The following NOS1 variants were observed in gnomAD, a reference collection of about 807,000 sequenced individuals.
NOS1 encodes the protein nitric oxide synthase 1.
NOS1 carries 51 observed loss-of-function variants against 164.5 expected under a neutral mutation model. The ratio of observed to expected loss-of-function variants is 0.31; its 90% CI spans 0.25 to 0.39. The LOEUF (loss-of-function observed/expected upper bound fraction) is 0.39, where lower values mean the gene tolerates loss of function less well. Ranked by LOEUF, NOS1 falls within the 10% of genes least tolerant of loss-of-function variation. The pLI is 1.00. For missense variants in NOS1, 1,362 were observed against 1,885.6 expected, an observed-to-expected ratio of 0.72 and a Z score of 5.14; for synonymous variants, 719 against 745.8, an observed-to-expected ratio of 0.96 and a Z score of 0.59.
chr12:117,274,769 CAAAAAAAAAAAA>C (rs71099039), intron 9 of NOS1, among the ~76,000 whole-genome samples: 1 of 77,018 alleles, frequency 1.3e-5, no homozygotes, highest in Non-Finnish European at 2.2e-5. Context: ...CTCCGTCTCA[CAAAAAAAAAAAA>C]AAAAAAAAAA....
At chr12:117,318,523 G>T (rs1039458375) in intron 2 of NOS1, among the ~76,000 whole-genome samples, 1 of 152,164 alleles carries the variant, frequency 6.6e-6, no homozygotes. Context: ...CAAGCCAAAA[G>T]TTGCTCTTGC....
intron 28 of NOS1, among the ~76,000 whole-genome samples, chr12:117,216,228 G>A (rs1036215106): frequency 6.7e-6 from 1 of 149,626 alleles, no homozygotes; most frequent in Non-Finnish European, 1.5e-5. Flanking sequence ...TGTCACCCAG[G>A]CTGGAGTGCA....
chr12:117,355,474 C>G (rs760260536), intron 1 of NOS1, among the ~76,000 whole-genome samples: 1 of 151,832 alleles, frequency 6.6e-6, no homozygotes, highest in African/African-American at 2.4e-5. Context: ...TCGAAGGGCC[C>G]GGACAAGCAA....
intron 3 of NOS1, among the ~76,000 whole-genome samples, chr12:117,311,156 T>C (rs9658303): frequency 0.24 from 36,938 of 152,224 alleles, 5,210 homozygotes; most frequent in Non-Finnish European, 0.31. Context: ...TGAGGCACTA[T>C]GACCAGCTAC....
At chr12:117,218,692 A>G (rs910291646) in intron 27 of NOS1, among the ~76,000 whole-genome samples, 1 of 152,106 alleles carries the variant, frequency 6.6e-6, no homozygotes, top group African/African-American at 2.4e-5. Flanking sequence ...TTTGCTCAAC[A>G]TTGCCCAGAA....
chr12:117,208,466 C>T lies in NOS1; in HGVS notation c.*6843G>A. On this transcript the variant is annotated 3_prime_UTR_variant, in exon 29 of 29. Transcript: ENST00000317775. ...TGCCCACCTCCCCAGCTTCCCAAGC[C>T]CGGAACGGACACTGCGACGTGGGGT... The T allele has an allele frequency of 1.6e-6, 2 of 1,273,164 alleles. No individual in the cohort carries two copies. The highest frequency in any genetic ancestry group is 2.0e-6 in the Non-Finnish European group (2 of 979,030). The allele number at this position is 1,273,164 out of a possible 1,614,324, so 78.9% of individuals were successfully genotyped here. A position where few individuals can be genotyped will look rare whatever the true frequency, so the allele number is the denominator to read the frequency against.
chr12:117,226,622 A>G (rs1868698196), intron 24 of NOS1, 61 bp downstream of exon 24: 1 of 1,503,632 alleles, frequency 6.7e-7, no homozygotes, highest in Admixed American at 1.7e-5. Flanking sequence ...ACCTACCCCA[A>G]CTTGTGACGT....
chr12:117,208,590 G>A lies in NOS1; in HGVS notation c.*6719C>T, dbSNP rs1956478796. On this transcript the variant is annotated 3_prime_UTR_variant, in exon 29 of 29. Transcript: ENST00000317775. ...AGAACACAACAATGAAAACAGTGGC[G>A]GCAGAGCACAGGACATGGGAGGGGA... The A allele has an allele frequency of 1.4e-5, 17 of 1,193,988 alleles. No individual in the cohort carries two copies. The highest frequency in any genetic ancestry group is 4.6e-5 in the South Asian group (3 of 65,632). 74.0% of individuals were successfully genotyped at this position (1,193,988 alleles called of 1,614,324 possible).
chr12:117,297,186 G>A (rs1873472570), intron 3 of NOS1, among the ~76,000 whole-genome samples: 1 of 152,200 alleles, frequency 6.6e-6, no homozygotes, highest in South Asian at 2.1e-4. Context: ...GATTGCAGGA[G>A]GGAGAGGGTC....
chr12:117,290,341 G>T lies in NOS1; in HGVS notation c.938C>A (p.Thr313Asn), dbSNP rs1872963294. 1 of 1,614,134 alleles carries T rather than the reference G, an allele frequency of 6.2e-7. No homozygotes were observed. Among genetic ancestry groups the T allele is most frequent in the Non-Finnish European group, 8.5e-7 (1 of 1,180,012 alleles). ...PRFLKVKNWE[T>N]EVVLTDTLHL... The stretch of plus-strand genomic sequence containing the variant: ...GAGGGTGTCAGTGAGAACCACCTCA[G>T]TCTCCCAGTTCTTGACCTTGAGGAA... The change falls in exon 4 of 29, where the codon ACT (threonine) becomes AAT (asparagine). Residue 313 changes from threonine (T) to asparagine (N), a missense_variant. Transcript: ENST00000317775.
At chr12:117,216,084 C>T (rs772365625) in intron 28 of NOS1, among the ~76,000 whole-genome samples, 1 of 150,950 alleles carries the variant, frequency 6.6e-6, no homozygotes, top group Non-Finnish European at 1.5e-5. Flanking sequence ...TGCCATGTTG[C>T]CCAGGCTGGT....
intron 18 of NOS1, chr12:117,245,659 T>C (rs1223901573): frequency 1.3e-5 from 2 of 152,448 alleles, no homozygotes; most frequent in African/African-American, 4.8e-5. Flanking sequence ...GTGCCACACC[T>C]GTAATCCCAG....
intron 3 of NOS1, among the ~76,000 whole-genome samples, chr12:117,291,492 A>G (rs1406450239): frequency 7.0e-6 from 1 of 142,892 alleles, no homozygotes; most frequent in Non-Finnish European, 1.5e-5. Context: ...GTGTTGGCCC[A>G]TTCATTGTAG....
chr12:117,262,307 A>C (rs9658410), intron 13 of NOS1, among the ~76,000 whole-genome samples: 1 of 151,960 alleles, frequency 6.6e-6, no homozygotes, highest in Non-Finnish European at 1.5e-5. Context: ...ACTGAAGCCA[A>C]CAATTGCCCT....
chr12:117,217,829 G>T (rs762178952), intron 28 of NOS1, among the ~76,000 whole-genome samples: 2 of 152,220 alleles, frequency 1.3e-5, no homozygotes, highest in African/African-American at 4.8e-5. Context: ...TTCCCCTGGA[G>T]AATTAGTTAA....
intron 1 of NOS1, among the ~76,000 whole-genome samples, chr12:117,357,321 C>T (rs1263062036): frequency 6.6e-6 from 1 of 152,162 alleles, no homozygotes; most frequent in Non-Finnish European, 1.5e-5. Context: ...TAGATGGGAA[C>T]TCAGGGCTGA....
chr12:117,210,649 G>A lies in NOS1; in HGVS notation c.*4660C>T, dbSNP rs1198573273. 2 of 985,344 alleles carry A rather than the reference G, an allele frequency of 2.0e-6. No individual in the cohort carries two copies. Among genetic ancestry groups the A allele is most frequent in the Non-Finnish European group, 1.2e-6 (1 of 829,958 alleles). 61.0% of individuals were successfully genotyped at this position (985,344 alleles called of 1,614,324 possible). A position where few individuals can be genotyped will look rare whatever the true frequency, so the allele number is the denominator to read the frequency against. On this transcript the variant is annotated 3_prime_UTR_variant, in exon 29 of 29. Coordinates refer to ENST00000317775, the MANE Select transcript of NOS1 (RefSeq NM_000620.5). ...ATCCTATTAGGACCATTTGCCCTATGAGCTAGGTCAGGACACCTCTCACTT... is the reference window on the plus strand; with the variant it reads ...ATCCTATTAGGACCATTTGCCCTATAAGCTAGGTCAGGACACCTCTCACTT...
At chr12:117,268,254 G>A (rs1872561901) in intron 10 of NOS1, 110 bp from the exon 11 acceptor site, 3 of 748,106 alleles carry the variant, frequency 4.0e-6, no homozygotes, top group Non-Finnish European at 6.8e-6. Flanking sequence ...TTTTTTAAAT[G>A]GACTCTCGCT....
In NOS1 at chr12:117,214,064, A is replaced by C; in HGVS notation, c.*1245T>G. Reference sequence around the variant, plus strand: ...CAAGCCTGAGGGACAAGTTCTTCCCACCCCAAGTTGTGGCTCCTATCGAAG... The same window carrying C: ...CAAGCCTGAGGGACAAGTTCTTCCCCCCCCAAGTTGTGGCTCCTATCGAAG... On this transcript the variant is annotated 3_prime_UTR_variant, in exon 29 of 29. Coordinates refer to ENST00000317775, the MANE Select transcript of NOS1 (RefSeq NM_000620.5). The C allele has an allele frequency of 1.0e-6, 1 of 985,324 alleles. No individual in the cohort carries two copies. Among genetic ancestry groups the C allele is most frequent in the Non-Finnish European group, 1.2e-6 (1 of 829,924 alleles). 61.0% of individuals were successfully genotyped at this position (985,324 alleles called of 1,614,324 possible). A position where few individuals can be genotyped will look rare whatever the true frequency, so the allele number is the denominator to read the frequency against.
Sources: allele counts gnomAD v4.1 joint callset (sites outside exome capture counted in the v4.1 genomes callset), GRCh38; gene constraint gnomAD v4.1.1; transcripts MANE v1.5; gene names NCBI Gene and HGNC (gene_info 2026-07-23, HGNC 2026-07-21).